The following VPS13C variants were observed in gnomAD, a reference collection of about 807,000 sequenced individuals.
VPS13C encodes vacuolar protein sorting 13 homolog C, also known as intermembrane lipid transfer protein VPS13C.
Under a neutral mutation model 456.8 loss-of-function variants are expected in VPS13C, and 358 were observed. The observed-to-expected ratio is 0.78, with a 90% CI of 0.72 to 0.86. The LOEUF (loss-of-function observed/expected upper bound fraction) is 0.86. VPS13C is among the 40% of genes least tolerant of loss of function. The probability of loss-of-function intolerance (pLI) is 0.00; values close to 1 mark genes in which losing one functional copy is unlikely to be tolerated. For missense variants in VPS13C, 4,818 were observed against 4,385.4 expected, an observed-to-expected ratio of 1.10 and a Z score of -2.79; for synonymous variants, 1,578 against 1,486.7, an observed-to-expected ratio of 1.06 and a Z score of -1.41.
chr15:61,971,312 A>G (rs2045545779), intron 27 of VPS13C, among the ~76,000 whole-genome samples: 1 of 152,052 alleles, frequency 6.6e-6, no homozygotes, highest in Admixed American at 6.5e-5. Context: ...CCTAGGCTGG[A>G]GTGCAGTGGT....
At chr15:61,915,362 G>A (rs1341230936) in intron 61 of VPS13C, among the ~76,000 whole-genome samples, 4 of 152,100 alleles carry the variant, frequency 2.6e-5, no homozygotes, top group African/African-American at 9.7e-5. Flanking sequence ...ATAAATTCAA[G>A]CTATTCTATC....
rs765662708 is a variant in VPS13C at position 61,909,112 on chromosome 15, A to G, written c.8858T>C (p.Leu2953Ser). ...LSLEDLNGGI[L>S]VDVNTAEHST... ...ATGTTCGGCAGTGTTTACATCCACC[A>G]AGATACCCCCATTCTATTGTAGAAA... Residue 2953 changes from leucine to serine, a missense_variant, in exon 65 of 85, where the codon TTG becomes TCG. Physicochemically the swap from Leu to Ser is moderately radical, Grantham distance 145 (BLOSUM62 -2). Coordinates refer to ENST00000644861, the MANE Select transcript of VPS13C (RefSeq NM_020821.3). 13 of 1,611,178 alleles carry G rather than the reference A, an allele frequency of 8.1e-6. No homozygotes were observed. The highest frequency in any genetic ancestry group is 1.3e-5 in the African/African-American group (1 of 74,304).
chr15:61,875,380 G>A (rs1463618192), intron 76 of VPS13C, among the ~76,000 whole-genome samples: 1 of 151,954 alleles, frequency 6.6e-6, no homozygotes, highest in Non-Finnish European at 1.5e-5. Flanking sequence ...TTTAAATGGA[G>A]GGGAATAGGT....
chr15:61,884,010 T>A (rs942106726), intron 68 of VPS13C, 118 bp downstream of exon 68: 3 of 855,318 alleles, frequency 3.5e-6, no homozygotes, highest in Non-Finnish European at 5.1e-6. Flanking sequence ...TAAAAGTTTA[T>A]CTACCAATAA....
chr15:62,057,032 G>A (rs1456066256), intron 1 of VPS13C, among the ~76,000 whole-genome samples: 2 of 152,032 alleles, frequency 1.3e-5, no homozygotes, highest in South Asian at 2.1e-4. Context: ...TGGTGGTAGC[G>A]GTCCCCCGGG....
At chr15:61,982,870 A>T (rs1399296502) in intron 20 of VPS13C, among the ~76,000 whole-genome samples, 1 of 152,200 alleles carries the variant, frequency 6.6e-6, no homozygotes, top group Non-Finnish European at 1.5e-5. Context: ...CCAATTAGTC[A>T]GAAGATGAAA....
chr15:61,980,183 C>CAAAAAAAAAAAAAAA (rs71125960), intron 22 of VPS13C, among the ~76,000 whole-genome samples: 2 of 45,262 alleles, frequency 4.4e-5, no homozygotes, highest in African/African-American at 1.4e-4. Context: ...GACCCCATCT[C>CAAAAAAAAAAAAAAA]AAAAAAAAAA....
intron 2 of VPS13C, among the ~76,000 whole-genome samples, chr15:62,043,009 G>A (rs996267494): frequency 1.3e-5 from 2 of 151,268 alleles, no homozygotes; most frequent in Non-Finnish European, 2.9e-5. Flanking sequence ...CAAATAATTT[G>A]TCTCCTTAGT....
At chr15:62,018,279 T>C (rs1368878045) in intron 9 of VPS13C, among the ~76,000 whole-genome samples, 1 of 152,094 alleles carries the variant, frequency 6.6e-6, no homozygotes, top group Non-Finnish European at 1.5e-5. Context: ...ACCCTTTATT[T>C]CTTTCTCCTG....
In VPS13C at chr15:61,969,451, A is replaced by T; in HGVS notation, c.2759T>A (p.Val920Glu). 6.6e-7 allele frequency: 1 copy of T among 1,519,300 alleles called. No individual in the cohort carries two copies. Among genetic ancestry groups the T allele is most frequent in the Non-Finnish European group, 8.9e-7 (1 of 1,129,048 alleles). 94.1% of individuals were successfully genotyped at this position (1,519,300 alleles called of 1,614,324 possible). ...CTGCTGTTTAGTAAATTCCAAAATC[A>T]CCTAAAAGAATTAGAGTCAATGAAA... ...NLLLKFEIKE[V>E]ILEFTKQQKE... Residue 920 changes from valine (V) to glutamate (E), a missense_variant and splice_region_variant, in exon 28 of 85, where the codon GTG (valine) becomes GAG (glutamate). This residue lies in a region of VPS13C where 4,552 missense variants were observed against 4,130.6 expected (regional missense o/e 1.10). Transcript: ENST00000644861.
chr15:62,016,007 C>G (rs548040759), intron 9 of VPS13C, among the ~76,000 whole-genome samples: 3 of 142,894 alleles, frequency 2.1e-5, no homozygotes, highest in Non-Finnish European at 4.6e-5. Flanking sequence ...ACTGCCTTTC[C>G]TTTGTTTCTT....
chr15:61,963,140 G>A (rs2045267084), intron 32 of VPS13C, among the ~76,000 whole-genome samples: 2 of 152,028 alleles, frequency 1.3e-5, no homozygotes, highest in African/African-American at 4.8e-5. Context: ...CTTATATCCA[G>A]TCATTTACAT....
At chr15:61,977,568 GA>G (rs1483888598) in intron 23 of VPS13C, among the ~76,000 whole-genome samples, 1 of 151,724 alleles carries the variant, frequency 6.6e-6, no homozygotes, top group East Asian at 1.9e-4. Context: ...GGAAAAACAA[GA>G]AAAAAGAAAA....
At position 61,854,533 on chromosome 15, in the gene VPS13C, G is replaced by A; in HGVS notation, c.11186C>T (p.Ala3729Val). The A allele has an allele frequency of 6.2e-7, 1 of 1,614,044 alleles. No individual in the cohort carries two copies. The highest frequency in any genetic ancestry group is 8.5e-7 in the Non-Finnish European group (1 of 1,179,962). Residue 3729 changes from alanine (A) to valine (V), a missense_variant, in exon 85 of 85, where the codon GCA becomes GTA. This residue lies in a region of VPS13C where 261 missense variants were observed against 234.1 expected (regional missense o/e 1.11). Transcript: ENST00000644861. The part of the protein sequence containing the change: ...AERACNAIED[A>V]QSTRQQQKLM... ...TTTTTGCTGCTGTCTCGTTGACTGT[G>A]CATCCTCAATGGCATTACATGCTCT...
At chr15:61,972,812 A>G in intron 26 of VPS13C, 48 bp from the exon 27 acceptor site, 1 of 1,500,466 alleles carries the variant, frequency 6.7e-7, no homozygotes, top group Non-Finnish European at 9.0e-7. Flanking sequence ...TACATTGAAA[A>G]CTGCATGAAA....
chr15:61,949,204 T>C (rs1016184696), intron 42 of VPS13C, among the ~76,000 whole-genome samples: 1 of 152,204 alleles, frequency 6.6e-6, no homozygotes, highest in Admixed American at 6.5e-5. Context: ...ATTTCTATTT[T>C]ATGTAAAAGC....
At chr15:61,984,131 T>G in intron 19 of VPS13C, 119 bp from the exon 20 acceptor site, 1 of 866,422 alleles carries the variant, frequency 1.2e-6, no homozygotes, top group East Asian at 2.7e-5. Flanking sequence ...ATGCACATTA[T>G]CCAGAGCTGA....
chr15:61,965,351 G>A (rs2045345917), intron 30 of VPS13C, among the ~76,000 whole-genome samples: 1 of 151,744 alleles, frequency 6.6e-6, no homozygotes, highest in African/African-American at 2.4e-5. Context: ...TCACAATAAT[G>A]GTGTTATCAT....
intron 57 of VPS13C, 117 bp downstream of exon 57, chr15:61,919,950 T>A (rs547952389): frequency 9.9e-7 from 1 of 1,006,098 alleles, no homozygotes; most frequent in Non-Finnish European, 1.4e-6. Flanking sequence ...AGCAATTATA[T>A]GTTTCAAATG....
Sources: allele counts gnomAD v4.1 joint callset (sites outside exome capture counted in the v4.1 genomes callset), GRCh38; gene constraint gnomAD v4.1.1; regional missense constraint gnomAD v4.1.1; transcripts MANE v1.5; gene names NCBI Gene and HGNC (gene_info 2026-07-23, HGNC 2026-07-21).